The following GSE1 variants were observed in gnomAD, a reference collection of about 807,000 sequenced individuals.
GSE1 encodes genetic suppressor element 1.
In GSE1, 32 loss-of-function variants were observed where a neutral mutation model predicts 112.6. The observed-to-expected ratio is 0.28, with a 90% confidence interval of 0.21 to 0.38. The LOEUF is 0.38. Among genes scored for constraint, GSE1 ranks in the 10% least tolerant of loss-of-function variants. GSE1 has a pLI of 1.00. For missense variants in GSE1, 2,348 were observed against 1,699.2 expected, an observed-to-expected ratio of 1.38 and a Z score of -6.71; for synonymous variants, 1,115 against 735.6, an observed-to-expected ratio of 1.52 and a Z score of -8.35.
intron 1 of GSE1, among the ~76,000 whole-genome samples, chr16:85,186,286 A>G (rs1214685694): frequency 6.6e-6 from 1 of 152,154 alleles, no homozygotes; most frequent in African/African-American, 2.4e-5. Flanking sequence ...CCTGAACAAC[A>G]TAGTGAGACC....
At chr16:85,554,941 C>T (rs2045124696), upstream of GSE1, 1 of 985,296 alleles carries the variant, frequency 1.0e-6, no homozygotes, top group Admixed American at 6.1e-5. Context: ...GGCACCCTCC[C>T]CGGGTTTGGA....
At chr16:85,416,745 C>T (rs555846207) in intron 2 of GSE1, among the ~76,000 whole-genome samples, 7 of 152,276 alleles carry the variant, frequency 4.6e-5, no homozygotes, top group African/African-American at 9.6e-5. Context: ...CCCTGGGTCA[C>T]GGCTGACTTG....
chr16:85,664,264 G>A (rs936572868), intron 11 of GSE1, among the ~76,000 whole-genome samples: 6 of 152,242 alleles, frequency 3.9e-5, no homozygotes, highest in East Asian at 1.9e-4. Context: ...CCTTACGCAC[G>A]CTTTCAAGTC....
chr16:85,622,421 T>C (rs568921700), intron 1 of GSE1, among the ~76,000 whole-genome samples: 66 of 152,276 alleles, frequency 4.3e-4, no homozygotes, highest in African/African-American at 1.5e-3. Context: ...CAGGTCATAT[T>C]GGGGAGGGTG....
intron 2 of GSE1, among the ~76,000 whole-genome samples, chr16:85,639,221 C>T (rs78895525): frequency 0.16 from 24,237 of 152,250 alleles, 2,380 homozygotes; most frequent in Non-Finnish European, 0.22. Context: ...CTCCCTTCGA[C>T]GCAGCTGGGC....
intron 1 of GSE1, among the ~76,000 whole-genome samples, chr16:85,212,934 C>T (rs1441446388): frequency 6.6e-6 from 1 of 152,076 alleles, no homozygotes; most frequent in Non-Finnish European, 1.5e-5. Context: ...TTGAGACCAG[C>T]CTGGGCAACA....
At position 85,575,454 on chromosome 16, in the gene GSE1, C is replaced by T. The variant is rs965156294; in HGVS notation, c.37+19091C>T. 2.0e-5 allele frequency among the ~76,000 whole-genome samples: 3 copies of T among 152,068 alleles called. No homozygotes were observed. The South Asian group carries it at 6.2e-4, about 32-fold the overall frequency. The stretch of plus-strand genomic sequence containing the variant: ...CTTGCTTCGCTCTGGTGCTGTGTGC[C>T]CTGTGGGGACCGGCTTCCCTCTCGT... On this transcript the variant is annotated intron_variant, in intron 1 of 2. Coordinates refer to the GSE1 transcript ENST00000635906.
intron 1 of GSE1, among the ~76,000 whole-genome samples, chr16:85,282,194 A>G (rs1004295403): frequency 2.6e-5 from 4 of 152,008 alleles, no homozygotes; most frequent in African/African-American, 9.6e-5. Context: ...TGCCCAGTTA[A>G]TGTTTGTATT....
At chr16:85,661,030 GCTCT>G in intron 8 of GSE1, 112 bp from the exon 9 acceptor site, 2 of 895,828 alleles carry the variant, frequency 2.2e-6, no homozygotes, top group South Asian at 1.8e-5. Context: ...GTTGGCACTG[GCTCT>G]CTAAGGGGCT....
At chr16:85,396,164 A>G (rs2047960556) in intron 2 of GSE1, among the ~76,000 whole-genome samples, 1 of 152,196 alleles carries the variant, frequency 6.6e-6, no homozygotes, top group Non-Finnish European at 1.5e-5. Flanking sequence ...GCAGGACATC[A>G]GCAGGCCCGT....
At chr16:85,438,677 C>T (rs1381197344) in intron 2 of GSE1, among the ~76,000 whole-genome samples, 1 of 152,180 alleles carries the variant, frequency 6.6e-6, no homozygotes, top group Non-Finnish European at 1.5e-5. Flanking sequence ...GCCTCTTGGG[C>T]CTCTGTTTTT....
chr16:85,328,344 C>T (rs919199304), intron 1 of GSE1, among the ~76,000 whole-genome samples: 2 of 152,242 alleles, frequency 1.3e-5, no homozygotes, highest in East Asian at 3.9e-4. Context: ...TAGGGTTCCC[C>T]TTCCCCAGCC....
chr16:85,623,332 G>A (rs2048859699), intron 1 of GSE1, among the ~76,000 whole-genome samples: 1 of 151,736 alleles, frequency 6.6e-6, no homozygotes, highest in Non-Finnish European at 1.5e-5. Context: ...CCCCACCTCG[G>A]CCTCCCAAAG....
At chr16:85,518,313 G>A (rs2052022163) in intron 2 of GSE1, among the ~76,000 whole-genome samples, 2 of 152,302 alleles carry the variant, frequency 1.3e-5, no homozygotes, top group South Asian at 2.1e-4. Context: ...CATGGATGGG[G>A]CAGATTGTGG....
chr16:85,601,109 C>T (rs8053534), intron 1 of GSE1, among the ~76,000 whole-genome samples: 1 of 151,948 alleles, frequency 6.6e-6, no homozygotes, highest in Non-Finnish European at 1.5e-5. Context: ...AGATGGGGCT[C>T]TGCTGGGGGA....
At chr16:85,378,453 G>A (rs934714806) in intron 2 of GSE1, among the ~76,000 whole-genome samples, 2 of 152,186 alleles carry the variant, frequency 1.3e-5, no homozygotes, top group Non-Finnish European at 2.9e-5. Context: ...TCACTTAGGA[G>A]CTGTGAGCCA....
At chr16:85,174,047 C>T (rs1010862564) in intron 1 of GSE1, among the ~76,000 whole-genome samples, 9 of 152,180 alleles carry the variant, frequency 5.9e-5, no homozygotes, top group African/African-American at 1.9e-4. Flanking sequence ...CTGCTCCCTA[C>T]GCCCTCTTCC....
chr16:85,669,232 T>G (rs1204351306), intron 14 of GSE1, among the ~76,000 whole-genome samples: 1 of 152,274 alleles, frequency 6.6e-6, no homozygotes, highest in Non-Finnish European at 1.5e-5. Flanking sequence ...TGGGCACTGC[T>G]GGGTATGCGC....
At chr16:85,396,604 G>A (rs980342453) in intron 2 of GSE1, among the ~76,000 whole-genome samples, 1 of 152,238 alleles carries the variant, frequency 6.6e-6, no homozygotes, top group African/African-American at 2.4e-5. Flanking sequence ...GGCTGAACGG[G>A]CAGCTTCCTC....
Sources: allele counts gnomAD v4.1 joint callset (sites outside exome capture counted in the v4.1 genomes callset), GRCh38; gene constraint gnomAD v4.1.1; transcripts MANE v1.5; gene names NCBI Gene and HGNC (gene_info 2026-07-23, HGNC 2026-07-21).